The following WDR72 variants were observed in gnomAD, a reference collection of about 807,000 sequenced individuals.
WDR72 encodes the protein WD repeat-containing protein 72.
Under a neutral mutation model 124.2 loss-of-function variants are expected in WDR72, and 120 were observed. The observed-to-expected ratio is 0.97, with a 90% CI of 0.83 to 1.12. The LOEUF (loss-of-function observed/expected upper bound fraction) is 1.12. Among genes scored for constraint, WDR72 ranks in the 50% most tolerant of loss-of-function variants. The pLI is 0.00. For missense variants in WDR72, 1,387 were observed against 1,278.8 expected (o/e 1.08, Z -1.29); for synonymous variants, 452 against 441.7 (o/e 1.02, Z -0.29).
chr15:53,669,983 A>G (rs1286758141), intron 13 of WDR72, among the ~76,000 whole-genome samples: 1 of 152,172 alleles, frequency 6.6e-6, no homozygotes, highest in Non-Finnish European at 1.5e-5. Context: ...TTTATTATTC[A>G]TTTGAATCAA....
At chr15:53,636,026 G>C (rs193243803) in intron 14 of WDR72, among the ~76,000 whole-genome samples, 1 of 152,220 alleles carries the variant, frequency 6.6e-6, no homozygotes, top group African/African-American at 2.4e-5. Flanking sequence ...TCATCCTCAT[G>C]TTGGGGCTGC....
At chr15:53,748,357 A>G (rs1301792023) in intron 1 of WDR72, among the ~76,000 whole-genome samples, 6 of 152,208 alleles carry the variant, frequency 3.9e-5, no homozygotes, top group Non-Finnish European at 5.9e-5. Flanking sequence ...AATTAAACTT[A>G]GGTAAGAAGA....
Position 53,705,090 on chromosome 15 carries a change from G to A in WDR72, c.1246C>T (p.Leu416Phe), listed in dbSNP as rs748489316. 1 of 1,614,098 alleles carries A rather than the reference G, an allele frequency of 6.2e-7. No individual in the cohort carries two copies. The highest frequency in any genetic ancestry group is 1.3e-5 in the African/African-American group (1 of 75,032). Reference protein sequence around the residue: ...VVTSSEYIPSLDKLICGCEDG... With the variant: ...VVTSSEYIPSFDKLICGCEDG... ...TCACAGCCACATATTAGTTTATCAA[G>A]ACTTGGAATATACTCTGATGAAGTG... Residue 416 changes from leucine to phenylalanine, a missense_variant, in exon 11 of 20, where the codon CTT (leucine) becomes TTT (phenylalanine). Leu to Phe is a conservative substitution (Grantham distance 22, BLOSUM62 0). Coordinates refer to ENST00000360509, the MANE Select transcript of WDR72 (RefSeq NM_182758.4).
chr15:53,736,259 A>G (rs1485639019), intron 1 of WDR72, among the ~76,000 whole-genome samples: 3 of 152,118 alleles, frequency 2.0e-5, no homozygotes, highest in South Asian at 2.1e-4. Flanking sequence ...TTGGAGTTCA[A>G]ATAGTATGAG....
At chr15:53,761,977 A>G (rs2019070816), upstream of WDR72, among the ~76,000 whole-genome samples, 1 of 152,100 alleles carries the variant, frequency 6.6e-6, no homozygotes, top group Non-Finnish European at 1.5e-5. Flanking sequence ...CCTAAACTGA[A>G]TGACTGGGTG....
intron 2 of WDR72, among the ~76,000 whole-genome samples, chr15:53,728,972 C>A (rs2018122396): frequency 6.6e-6 from 1 of 152,152 alleles, no homozygotes; most frequent in Non-Finnish European, 1.5e-5. Flanking sequence ...ATCTTCAAAC[C>A]CCTATTGAAT....
intron 12 of WDR72, among the ~76,000 whole-genome samples, chr15:53,700,428 G>A (rs1346579081): frequency 1.3e-5 from 2 of 152,180 alleles, no homozygotes; most frequent in African/African-American, 4.8e-5. Context: ...AGGAAACTCA[G>A]TGTAGACACA....
chr15:53,581,525 G>A (rs761521287), intron 18 of WDR72, among the ~76,000 whole-genome samples: 17 of 152,038 alleles, frequency 1.1e-4, no homozygotes, highest in Non-Finnish European at 2.4e-4. Flanking sequence ...AATGAATCTA[G>A]TCATTGGTAA....
intron 13 of WDR72, among the ~76,000 whole-genome samples, chr15:53,698,060 G>A (rs73412105): frequency 0.045 from 6,782 of 152,124 alleles, 533 homozygotes; most frequent in African/African-American, 0.16. Context: ...TTTTTCAAAC[G>A]TTCTTCAACA....
At chr15:53,612,234 T>C (rs74581874) in intron 16 of WDR72, among the ~76,000 whole-genome samples, 3,040 of 152,254 alleles carry the variant, frequency 0.02, 99 homozygotes, top group African/African-American at 0.07. Flanking sequence ...CTTCTAGATA[T>C]TGTTCTAGGA....
At chr15:53,747,793 G>T (rs971383930) in intron 1 of WDR72, among the ~76,000 whole-genome samples, 1 of 152,062 alleles carries the variant, frequency 6.6e-6, no homozygotes. Flanking sequence ...CATTAGATGT[G>T]GTAAGAGAAG....
intron 2 of WDR72, among the ~76,000 whole-genome samples, chr15:53,726,472 T>C (rs2018042504): frequency 6.6e-6 from 1 of 151,946 alleles, no homozygotes; most frequent in Admixed American, 6.6e-5. Context: ...AATATCTTAT[T>C]TATCTTCCTG....
In WDR72 at chr15:53,677,902, C is replaced by G. The variant is rs2016232611; in HGVS notation, c.1766-12134G>C. ...AGTGCCATTTAATTCTTAAAACAAT[C>G]CCGTTAACTGCAAAGAAATGGAAGA... On this transcript the variant is annotated intron_variant, in intron 13 of 19. Transcript: ENST00000360509. Among the ~76,000 whole-genome samples, 3 of 152,138 alleles carry G rather than the reference C, an allele frequency of 2.0e-5. No individual in the cohort carries two copies. In the South Asian group the frequency reaches 6.2e-4, roughly 32 times the overall value.
chr15:53,617,233 ATC>A (rs763596602), intron 14 of WDR72, among the ~76,000 whole-genome samples: 1 of 151,870 alleles, frequency 6.6e-6, no homozygotes. Context: ...TTTGACACAT[ATC>A]TCTATCTACA....
rs1891397303 is a variant in WDR72 at position 53,515,206 on chromosome 15, T to TACAA, written c.*2489_*2492dup. On this transcript the variant is annotated 3_prime_UTR_variant, in exon 20 of 20. Coordinates refer to ENST00000360509, the MANE Select transcript of WDR72 (RefSeq NM_182758.4). ...ATTACAATGACAGGAAGACTCCGGA[T>TACAA]ACAAACACATTTGCTAATATAATCA... The TACAA allele has an allele frequency of 6.6e-6, 1 of 151,948 alleles. No individual in the cohort carries two copies. 9.4% of individuals were successfully genotyped at this position (151,948 alleles called of 1,614,324 possible).
intron 9 of WDR72, among the ~76,000 whole-genome samples, chr15:53,710,279 AC>A (rs1408538055): frequency 7.2e-5 from 11 of 152,334 alleles, no homozygotes; most frequent in Admixed American, 3.3e-4. Context: ...AAAAATGTTA[AC>A]AATGTTTTGT....
At chr15:53,624,436 ATC>A (rs2014126699) in intron 14 of WDR72, among the ~76,000 whole-genome samples, 1 of 152,210 alleles carries the variant, frequency 6.6e-6, no homozygotes, top group African/African-American at 2.4e-5. Context: ...CAAAGCTATA[ATC>A]TCTGTCTCAG....
chr15:53,725,815 G>C (rs536461413), intron 2 of WDR72, among the ~76,000 whole-genome samples: 6 of 152,166 alleles, frequency 3.9e-5, no homozygotes, highest in Non-Finnish European at 8.8e-5. Context: ...TAAATAGATG[G>C]GGCACAGAGA....
intron 14 of WDR72, among the ~76,000 whole-genome samples, chr15:53,644,533 C>T (rs958598470): frequency 1.1e-4 from 16 of 151,882 alleles, no homozygotes; most frequent in African/African-American, 3.9e-4. Context: ...GAGCCATAAG[C>T]ATATAGGTGT....
Sources: allele counts gnomAD v4.1 joint callset (sites outside exome capture counted in the v4.1 genomes callset), GRCh38; gene constraint gnomAD v4.1.1; transcripts MANE v1.5; gene names NCBI Gene and HGNC (gene_info 2026-07-23, HGNC 2026-07-21).